HDAC9: variants seen among roughly 807,000 people sequenced by gnomAD.
The protein encoded by HDAC9 is histone deacetylase 9.
Under a neutral mutation model 139.4 loss-of-function variants are expected in HDAC9, and 41 were observed. The observed-to-expected ratio is 0.29, with a 90% CI of 0.23 to 0.38. The LOEUF (loss-of-function observed/expected upper bound fraction) is 0.38. Among genes scored for constraint, HDAC9 ranks in the 10% least tolerant of loss-of-function variants. The pLI, the probability that HDAC9 is intolerant of heterozygous loss-of-function variation, is 1.00. For synonymous variants in HDAC9, 517 were observed against 476.2 expected (o/e 1.09, Z -1.12); for missense variants, 1,147 against 1,297.0 (o/e 0.88, Z 1.78).
intron 1 of HDAC9, among the ~76,000 whole-genome samples, chr7:18,130,513 A>G (rs1399992852): frequency 6.6e-6 from 1 of 152,038 alleles, no homozygotes; most frequent in Non-Finnish European, 1.5e-5. Flanking sequence ...AGCTTTATTG[A>G]GATATAATTT....
chr7:18,703,038 A>G (rs936067879), intron 12 of HDAC9, among the ~76,000 whole-genome samples: 1 of 152,206 alleles, frequency 6.6e-6, no homozygotes, highest in Non-Finnish European at 1.5e-5. Flanking sequence ...ATAAGGAATC[A>G]AGAGAATATT....
chr7:18,330,985 G>A (rs561739549), intron 1 of HDAC9, among the ~76,000 whole-genome samples: 106 of 151,798 alleles, frequency 7.0e-4, no homozygotes, highest in African/African-American at 2.2e-3. Flanking sequence ...CAGACATACA[G>A]TAATACATGA....
chr7:18,859,576 G>T (rs1260108223), intron 21 of HDAC9, among the ~76,000 whole-genome samples: 6 of 150,802 alleles, frequency 4.0e-5, no homozygotes, highest in Non-Finnish European at 8.9e-5. Flanking sequence ...TGATGATGCT[G>T]CCTTCCTCAG....
chr7:18,700,375 A>G (rs1421559226), intron 12 of HDAC9, among the ~76,000 whole-genome samples: 1 of 152,214 alleles, frequency 6.6e-6, no homozygotes, highest in Non-Finnish European at 1.5e-5. Context: ...TTTTGCGTGA[A>G]TAACGGTGAC....
At chr7:18,292,772 C>T (rs943770769) in intron 1 of HDAC9, among the ~76,000 whole-genome samples, 6 of 151,984 alleles carry the variant, frequency 3.9e-5, no homozygotes, top group South Asian at 4.1e-4. Context: ...AACATTGATG[C>T]GCTGCAGAAA....
At chr7:18,490,526 G>T (rs1027589840) in intron 1 of HDAC9, among the ~76,000 whole-genome samples, 2 of 151,944 alleles carry the variant, frequency 1.3e-5, no homozygotes, top group African/African-American at 4.8e-5. Flanking sequence ...AAAATCTTGC[G>T]TCAGATGAGG....
At chr7:18,403,195 A>C (rs1338750281) in intron 1 of HDAC9, among the ~76,000 whole-genome samples, 2 of 152,218 alleles carry the variant, frequency 1.3e-5, no homozygotes, top group African/African-American at 4.8e-5. Context: ...GTATAAATAC[A>C]GTGAGGTATA....
At chr7:18,618,360 G>A (rs964203300) in intron 6 of HDAC9, among the ~76,000 whole-genome samples, 1 of 152,102 alleles carries the variant, frequency 6.6e-6, no homozygotes, top group African/African-American at 2.4e-5. Context: ...TCTTAGGAGG[G>A]TAACAAGATG....
chr7:18,801,168 G>A (rs1219465921), intron 17 of HDAC9, among the ~76,000 whole-genome samples: 1 of 151,822 alleles, frequency 6.6e-6, no homozygotes, highest in African/African-American at 2.4e-5. Context: ...AATTGAACAT[G>A]GTGAGTATTC....
rs1180922371 is a variant in HDAC9, at chr7:18,984,612, T to C, written c.3170+8659T>C. 2.0e-5 allele frequency among the ~76,000 whole-genome samples: 3 copies of C among 152,092 alleles called. No homozygotes were observed. In the South Asian group the frequency reaches 6.2e-4, roughly 32 times the overall value. On this transcript the variant is annotated intron_variant, in intron 25 of 25. Transcript: ENST00000686413. Reference sequence around the variant, plus strand: ...AGAGGAAATGGAGAGGAAGAAAACCTAGTGTAGATAAATTGTTGAGAAATA... The same window carrying C: ...AGAGGAAATGGAGAGGAAGAAAACCCAGTGTAGATAAATTGTTGAGAAATA...
chr7:18,975,667 G>T, intron 24 of HDAC9, 139 bp from the exon 25 acceptor site: 1 of 786,510 alleles, frequency 1.3e-6, no homozygotes, highest in Non-Finnish European at 2.0e-6. Flanking sequence ...AATCATAACA[G>T]TTAAGAAACC....
intron 1 of HDAC9, among the ~76,000 whole-genome samples, chr7:18,367,580 C>T (rs560825334): frequency 1.3e-5 from 2 of 152,158 alleles, no homozygotes; most frequent in South Asian, 4.1e-4. Flanking sequence ...ATTTGCTTAT[C>T]TCATTTCCTC....
intron 12 of HDAC9, among the ~76,000 whole-genome samples, chr7:18,675,979 A>T (rs1781478867): frequency 6.6e-6 from 1 of 152,044 alleles, no homozygotes. Context: ...TCTAGGTGTG[A>T]ATGATTAACA....
At chr7:18,387,932 A>C (rs1185110994) in intron 1 of HDAC9, among the ~76,000 whole-genome samples, 2 of 145,814 alleles carry the variant, frequency 1.4e-5, no homozygotes, top group Non-Finnish European at 3.0e-5. Context: ...GGACAAAATA[A>C]TCTGTGGAGA....
intron 13 of HDAC9, among the ~76,000 whole-genome samples, chr7:18,746,860 A>G (rs1023711989): frequency 3.3e-5 from 5 of 150,354 alleles, no homozygotes; most frequent in African/African-American, 7.3e-5. Flanking sequence ...CAACAATTAT[A>G]TAATTGTGAC....
At chr7:18,557,759 T>C (rs1033301129) in intron 2 of HDAC9, among the ~76,000 whole-genome samples, 14 of 149,942 alleles carry the variant, frequency 9.3e-5, no homozygotes, top group Middle Eastern at 3.5e-3. Flanking sequence ...ATTTTTATAA[T>C]TTAAAACAAA....
intron 25 of HDAC9, 100 bp from the exon 26 acceptor site, chr7:18,995,923 A>G: frequency 2.4e-6 from 2 of 824,400 alleles, no homozygotes; most frequent in South Asian, 3.1e-5. Context: ...ACAAATAAAC[A>G]TCAGAGAGAG....
intron 12 of HDAC9, among the ~76,000 whole-genome samples, chr7:18,673,530 T>A (rs946997880): frequency 9.2e-5 from 14 of 152,084 alleles, no homozygotes; most frequent in African/African-American, 3.4e-4. Flanking sequence ...TGAAATAATA[T>A]TTTAAATATA....
chr7:18,888,015 A>G (rs1022820917), intron 22 of HDAC9, among the ~76,000 whole-genome samples: 1 of 152,194 alleles, frequency 6.6e-6, no homozygotes, highest in African/African-American at 2.4e-5. Context: ...ACCAAGAGTA[A>G]CTTTTATGAA....
Sources: allele counts gnomAD v4.1 joint callset (sites outside exome capture counted in the v4.1 genomes callset), GRCh38; gene constraint gnomAD v4.1.1; transcripts MANE v1.5; gene names NCBI Gene and HGNC (gene_info 2026-07-23, HGNC 2026-07-21).